PCDH15: variants seen among roughly 807,000 people sequenced by gnomAD.
The protein encoded by PCDH15 is protocadherin-15.
In PCDH15, 129 loss-of-function variants were observed where a neutral mutation model predicts 178.5. That is an observed-to-expected ratio of 0.72 (90% CI 0.63 to 0.84). The LOEUF (loss-of-function observed/expected upper bound fraction) is 0.84, where lower values mean the gene tolerates loss of function less well. Among genes scored for constraint, PCDH15 ranks in the 40% least tolerant of loss-of-function variants. The pLI is 0.00. For synonymous variants in PCDH15, 800 were observed against 732.0 expected, an observed-to-expected ratio of 1.09 and a Z score of -1.50; for missense variants, 2,230 against 2,099.9, an observed-to-expected ratio of 1.06 and a Z score of -1.21.
At chr10:55,279,169 G>A (rs11004795) in intron 1 of PCDH15, among the ~76,000 whole-genome samples, 33,164 of 151,990 alleles carry the variant, frequency 0.22, 3,733 homozygotes, top group Admixed American at 0.28. Flanking sequence ...ACATAAAAGG[G>A]AGCCTAACTT....
intron 2 of PCDH15, among the ~76,000 whole-genome samples, chr10:54,939,319 C>T (rs1167132442): frequency 6.6e-6 from 1 of 150,780 alleles, no homozygotes; most frequent in Non-Finnish European, 1.5e-5. Flanking sequence ...ACGGTGAAAC[C>T]TCGTCTCTAC....
chr10:54,109,899 TATCCTG>T (rs2094984592), intron 15 of PCDH15, among the ~76,000 whole-genome samples: 1 of 152,220 alleles, frequency 6.6e-6, no homozygotes, highest in African/African-American at 2.4e-5. Flanking sequence ...GATACCCCAT[TATCCTG>T]ATGTGACTAT....
At chr10:54,436,635 C>A (rs2075440511) in intron 3 of PCDH15, among the ~76,000 whole-genome samples, 1 of 152,058 alleles carries the variant, frequency 6.6e-6, no homozygotes, top group Non-Finnish European at 1.5e-5. Flanking sequence ...ATGCTTTTTA[C>A]CCCTTTTGTT....
At chr10:54,557,293 G>A (rs1416050001) in intron 2 of PCDH15, among the ~76,000 whole-genome samples, 1 of 152,068 alleles carries the variant, frequency 6.6e-6, no homozygotes, top group Non-Finnish European at 1.5e-5. Flanking sequence ...TGTTAGGTTT[G>A]CAAAACAAAA....
At chr10:54,050,135 G>A (rs1401174991) in intron 18 of PCDH15, among the ~76,000 whole-genome samples, 1 of 152,104 alleles carries the variant, frequency 6.6e-6, no homozygotes, top group Non-Finnish European at 1.5e-5. Flanking sequence ...AGTAGGACTG[G>A]TGCCAGCTCT....
chr10:55,543,418 C>T (rs1436394422), intron 2 of PCDH15, among the ~76,000 whole-genome samples: 1 of 150,032 alleles, frequency 6.7e-6, no homozygotes, highest in Non-Finnish European at 1.5e-5. Context: ...CTGTACCCCT[C>T]AACAATTATA....
intron 11 of PCDH15, among the ~76,000 whole-genome samples, chr10:54,189,566 T>C (rs996497722): frequency 6.6e-6 from 1 of 152,146 alleles, no homozygotes; most frequent in Non-Finnish European, 1.5e-5. Context: ...AGCATATAAA[T>C]ACTTAACTGC....
At chr10:55,512,251 T>C (rs1840901343) in intron 2 of PCDH15, among the ~76,000 whole-genome samples, 1 of 152,106 alleles carries the variant, frequency 6.6e-6, no homozygotes, top group Admixed American at 6.6e-5. Flanking sequence ...ACTGGCTACT[T>C]TATTTCCATA....
At chr10:54,577,837 T>A (rs920215742) in intron 2 of PCDH15, among the ~76,000 whole-genome samples, 1 of 142,808 alleles carries the variant, frequency 7.0e-6, no homozygotes, top group Non-Finnish European at 1.5e-5. Context: ...AGTTCCTGTT[T>A]AAGCCTAAAT....
chr10:55,409,594 C>T (rs1029357269), intron 2 of PCDH15, among the ~76,000 whole-genome samples: 2 of 151,840 alleles, frequency 1.3e-5, no homozygotes, highest in African/African-American at 4.8e-5. Flanking sequence ...GATCACCATA[C>T]CGTTCAGTGG....
In PCDH15 at chr10:55,196,786, A is replaced by G. The variant is rs563501769; in HGVS notation, c.-155-30135T>C. On this transcript the variant is annotated intron_variant, in intron 1 of 5. Transcript: ENST00000458638. Reference sequence around the variant, plus strand: ...CGGACGAGTTTTGTCTTTCCAAAACACATTTTTTTCAGTCTTACTCACGAT... The same window carrying G: ...CGGACGAGTTTTGTCTTTCCAAAACGCATTTTTTTCAGTCTTACTCACGAT... 2.0e-5 allele frequency among the ~76,000 whole-genome samples: 3 copies of G among 152,162 alleles called. No individual in the cohort carries two copies. In the East Asian group the frequency reaches 5.8e-4, roughly 29 times the overall value.
At chr10:55,170,753 G>A (rs1839311969) in intron 1 of PCDH15, among the ~76,000 whole-genome samples, 1 of 152,058 alleles carries the variant, frequency 6.6e-6, no homozygotes, top group Non-Finnish European at 1.5e-5. Flanking sequence ...GTGGTGGCAT[G>A]CGCCTGTAAT....
intron 5 of PCDH15, among the ~76,000 whole-genome samples, chr10:54,362,412 T>C (rs917734930): frequency 2.0e-5 from 3 of 152,098 alleles, no homozygotes; most frequent in East Asian, 3.9e-4. Flanking sequence ...CATAATTTTC[T>C]ATATACTTGT....
chr10:54,670,968 C>T (rs2094655317), intron 1 of PCDH15, among the ~76,000 whole-genome samples: 1 of 152,016 alleles, frequency 6.6e-6, no homozygotes, highest in Admixed American at 6.6e-5. Context: ...TTTGAGGTTT[C>T]CATTCCATCT....
At chr10:54,486,518 T>G (rs1039380439) in intron 3 of PCDH15, among the ~76,000 whole-genome samples, 1 of 152,034 alleles carries the variant, frequency 6.6e-6, no homozygotes, top group African/African-American at 2.4e-5. Flanking sequence ...TTTCACATAG[T>G]AGAGGCTACT....
intron 11 of PCDH15, among the ~76,000 whole-genome samples, chr10:54,194,280 A>G (rs2049341204): frequency 6.6e-6 from 1 of 152,134 alleles, no homozygotes; most frequent in Non-Finnish European, 1.5e-5. Context: ...GATATTAGGG[A>G]ACATTCTAGA....
intron 8 of PCDH15, among the ~76,000 whole-genome samples, chr10:54,265,440 T>C (rs1159642593): frequency 6.6e-6 from 1 of 150,584 alleles, no homozygotes; most frequent in Non-Finnish European, 1.5e-5. Context: ...TGGACATAAA[T>C]GGCCTAAATC....
At chr10:55,311,400 T>C (rs753110201) in intron 1 of PCDH15, among the ~76,000 whole-genome samples, 2 of 152,180 alleles carry the variant, frequency 1.3e-5, no homozygotes, top group Non-Finnish European at 2.9e-5. Flanking sequence ...TAGCGGTGAC[T>C]GTGGAACCTT....
chr10:55,371,164 G>C (rs912689035), intron 2 of PCDH15, among the ~76,000 whole-genome samples: 8 of 152,100 alleles, frequency 5.3e-5, no homozygotes, highest in Admixed American at 2.0e-4. Flanking sequence ...GAGATACGGA[G>C]AGTATAGATT....
Sources: gnomAD v4.1 joint callset for allele counts (sites outside exome capture counted in the v4.1 genomes callset) on GRCh38, gnomAD v4.1.1 for gene constraint, MANE v1.5 for transcripts, NCBI Gene and HGNC (gene_info 2026-07-23, HGNC 2026-07-21) for gene names.